Variants in LRFN2 observed in about 807,000 individuals in gnomAD.
LRFN2 encodes the protein leucine-rich repeat and fibronectin type-III domain-containing protein 2.
In LRFN2, 18 loss-of-function variants were observed where a neutral mutation model predicts 37.3. The ratio of observed to expected loss-of-function variants is 0.48; its 90% CI spans 0.33 to 0.72. The LOEUF (loss-of-function observed/expected upper bound fraction) is 0.72, where lower values mean the gene tolerates loss of function less well. Ranked by LOEUF, LRFN2 falls within the 30% of genes least tolerant of loss-of-function variation. The pLI is 0.02. For missense variants in LRFN2, 1,006 were observed against 1,060.7 expected (o/e 0.95, Z 0.72); for synonymous variants, 556 against 466.6 (o/e 1.19, Z -2.47).
chr6:40,475,100 G>C (rs1235573048), intron 1 of LRFN2, among the ~76,000 whole-genome samples: 2 of 152,282 alleles, frequency 1.3e-5, no homozygotes, highest in Middle Eastern at 6.8e-3. Context: ...GGAGCCTCCA[G>C]GGGTCAGTAT....
At chr6:40,399,681 G>C (rs1480291324) in intron 2 of LRFN2, among the ~76,000 whole-genome samples, 1 of 151,496 alleles carries the variant, frequency 6.6e-6, no homozygotes, top group Non-Finnish European at 1.5e-5. Context: ...CAGACCATCC[G>C]CCCGCCTTGG....
chr6:40,475,139 G>C (rs1764681775), intron 1 of LRFN2, among the ~76,000 whole-genome samples: 3 of 152,198 alleles, frequency 2.0e-5, no homozygotes, highest in African/African-American at 2.4e-5. Flanking sequence ...ATGGGGCAGA[G>C]GACCCTTGCT....
intron 1 of LRFN2, among the ~76,000 whole-genome samples, chr6:40,585,848 C>G (rs916300519): frequency 4.7e-5 from 7 of 147,446 alleles, no homozygotes; most frequent in Admixed American, 3.4e-4. Context: ...CACACACACA[C>G]GCGTACACAC....
chr6:40,520,318 G>T (rs1435134308), intron 1 of LRFN2, among the ~76,000 whole-genome samples: 1 of 152,128 alleles, frequency 6.6e-6, no homozygotes, highest in Non-Finnish European at 1.5e-5. Context: ...GCTTAAGGAT[G>T]TGGGCTGTAG....
At chr6:40,423,283 G>T (rs1241698513) in intron 2 of LRFN2, among the ~76,000 whole-genome samples, 1 of 152,194 alleles carries the variant, frequency 6.6e-6, no homozygotes, top group Non-Finnish European at 1.5e-5. Context: ...CACTTTCCAA[G>T]TTTACAGCTC....
chr6:40,424,038 A>G (rs1419750374), intron 2 of LRFN2, among the ~76,000 whole-genome samples: 3 of 152,176 alleles, frequency 2.0e-5, no homozygotes, highest in Non-Finnish European at 4.4e-5. Flanking sequence ...CATCCTAATC[A>G]CTACCCTGGA....
chr6:40,461,074 C>T (rs1487769378), intron 1 of LRFN2, among the ~76,000 whole-genome samples: 3 of 152,108 alleles, frequency 2.0e-5, no homozygotes, highest in Non-Finnish European at 4.4e-5. Flanking sequence ...TACCAAGCAT[C>T]TGGAAACAGC....
At chr6:40,520,379 G>C (rs1303208234) in intron 1 of LRFN2, among the ~76,000 whole-genome samples, 1 of 152,090 alleles carries the variant, frequency 6.6e-6, no homozygotes, top group Non-Finnish European at 1.5e-5. Flanking sequence ...CTCCAGCCTG[G>C]GCAACTGGGT....
chr6:40,434,214 C>T (rs1763586781), intron 1 of LRFN2, among the ~76,000 whole-genome samples: 1 of 152,218 alleles, frequency 6.6e-6, no homozygotes, highest in African/African-American at 2.4e-5. Flanking sequence ...TAAAGCGCTG[C>T]CTGGCACATA....
chr6:40,576,940 T>C (rs1767291282), intron 1 of LRFN2, among the ~76,000 whole-genome samples: 1 of 151,880 alleles, frequency 6.6e-6, no homozygotes, highest in South Asian at 2.1e-4. Flanking sequence ...CCCTAGATAC[T>C]GACCCATGCA....
chr6:40,579,686 C>T (rs537726524), intron 1 of LRFN2, among the ~76,000 whole-genome samples: 1 of 152,018 alleles, frequency 6.6e-6, no homozygotes, highest in South Asian at 2.1e-4. Context: ...AACTTGGAAC[C>T]GCCACCCCCA....
chr6:40,584,884 C>T (rs1767474715), intron 1 of LRFN2, among the ~76,000 whole-genome samples: 1 of 151,954 alleles, frequency 6.6e-6, no homozygotes, highest in South Asian at 2.1e-4. Flanking sequence ...CAAAGAAGGA[C>T]TCAGTTGGCC....
intron 1 of LRFN2, among the ~76,000 whole-genome samples, chr6:40,435,052 T>TATATAGAG (rs1482968698): frequency 4.1e-3 from 155 of 37,506 alleles, no homozygotes; most frequent in Non-Finnish European, 5.5e-3. Flanking sequence ...TATATATATA[T>TATATAGAG]AGAGAGAGAG....
intron 1 of LRFN2, among the ~76,000 whole-genome samples, chr6:40,521,437 A>G (rs1005637801): frequency 6.6e-6 from 1 of 152,254 alleles, no homozygotes; most frequent in African/African-American, 2.4e-5. Context: ...GCTTTCTAAT[A>G]CTAACAGCCT....
rs750757732 is a variant in LRFN2 at position 40,432,103 on chromosome 6, A to G, written c.1011T>C (p.Ala337=). ...DRLVGNSSRT[A]VYDNGTLDIF... ...TGTCCAGGGTGCCATTGTCATAGACAGCGGTCCTTGAGGAGTTCCCTACCA... is the reference window on the plus strand; with the variant it reads ...TGTCCAGGGTGCCATTGTCATAGACGGCGGTCCTTGAGGAGTTCCCTACCA... Residue 337 remains alanine, a synonymous_variant, in exon 2 of 3, where the codon GCT becomes GCC. Transcript: ENST00000338305. 2.2e-5 allele frequency: 36 copies of G among 1,613,966 alleles called. No individual in the cohort carries two copies. Among genetic ancestry groups the G allele is most frequent in the Non-Finnish European group, 2.8e-5 (33 of 1,179,980 alleles).
chr6:40,398,298 G>A (rs1762656780), intron 2 of LRFN2, among the ~76,000 whole-genome samples: 1 of 151,862 alleles, frequency 6.6e-6, no homozygotes, highest in Non-Finnish European at 1.5e-5. Flanking sequence ...ACCCTCCATT[G>A]AGGCACATTG....
At chr6:40,522,337 T>C (rs1254121228) in intron 1 of LRFN2, among the ~76,000 whole-genome samples, 3 of 152,012 alleles carry the variant, frequency 2.0e-5, no homozygotes, top group Admixed American at 2.0e-4. Context: ...TGGGACCCCA[T>C]GGAGTGAGAA....
chr6:40,519,700 A>G (rs1765994523), intron 1 of LRFN2, among the ~76,000 whole-genome samples: 1 of 152,242 alleles, frequency 6.6e-6, no homozygotes, highest in Admixed American at 6.5e-5. Flanking sequence ...AGTGTGGCTT[A>G]TTACTCAGCA....
chr6:40,433,255 C>A (rs1049686346), intron 1 of LRFN2, 124 bp from the exon 2 acceptor site: 10 of 703,044 alleles, frequency 1.4e-5, no homozygotes, highest in Non-Finnish European at 2.2e-5. Context: ...AGTGCTCAAG[C>A]AAGACCTAAT....
Sources: gnomAD v4.1 joint callset for allele counts (sites outside exome capture counted in the v4.1 genomes callset) on GRCh38, gnomAD v4.1.1 for gene constraint, MANE v1.5 for transcripts, NCBI Gene and HGNC (gene_info 2026-07-23, HGNC 2026-07-21) for gene names.